ATXN2: variants seen among roughly 807,000 people sequenced by gnomAD.
ATXN2 encodes ataxin 2, also known as ataxin-2.
A neutral mutation model predicts 138.6 loss-of-function variants in ATXN2; 37 were observed. That is an observed-to-expected ratio of 0.27 (90% CI 0.21 to 0.35). The LOEUF (loss-of-function observed/expected upper bound fraction) is 0.35, where lower values mean the gene tolerates loss of function less well. Ranked by LOEUF, ATXN2 falls within the 10% of genes least tolerant of loss-of-function variation. The pLI is 1.00. For synonymous variants in ATXN2, 549 were observed against 543.7 expected (o/e 1.01, Z -0.13); for missense variants, 1,216 against 1,480.3 (o/e 0.82, Z 2.93).
chr12:111,492,606 C>T (rs146806355), intron 14 of ATXN2, among the ~76,000 whole-genome samples: 3 of 151,862 alleles, frequency 2.0e-5, no homozygotes, highest in Non-Finnish European at 4.4e-5. Flanking sequence ...TGCTTGAATC[C>T]GGGAGACGGA....
At chr12:111,477,263 G>C (rs1383840052) in intron 18 of ATXN2, among the ~76,000 whole-genome samples, 1 of 151,516 alleles carries the variant, frequency 6.6e-6, no homozygotes, top group African/African-American at 2.4e-5. Flanking sequence ...GGCTGAGGCA[G>C]AATCGCTTGA....
intron 5 of ATXN2, among the ~76,000 whole-genome samples, chr12:111,540,111 T>C (rs1312762176): frequency 6.7e-6 from 1 of 150,290 alleles, no homozygotes; most frequent in Non-Finnish European, 1.5e-5. Context: ...CTTAATATTC[T>C]TTCCCAGGAG....
chr12:111,556,928 A>G (rs1882421664), intron 1 of ATXN2, among the ~76,000 whole-genome samples: 1 of 152,028 alleles, frequency 6.6e-6, no homozygotes. Flanking sequence ...ATATGCGTCT[A>G]TATGTGTGGA....
chr12:111,581,792 T>C (rs1884020528), intron 1 of ATXN2: 1 of 525,236 alleles, frequency 1.9e-6, no homozygotes, highest in Admixed American at 2.7e-5. Context: ...CAGGAGGCAT[T>C]ATCTAGGCCA....
chr12:111,488,832 C>A (rs1877818504), intron 14 of ATXN2, 52 bp from the exon 15 acceptor site: 1 of 1,428,406 alleles, frequency 7.0e-7, no homozygotes, highest in Non-Finnish European at 9.5e-7. Flanking sequence ...TTTAGTAATA[C>A]ATTTTTGCCA....
chr12:111,568,725 G>A (rs1037902556), intron 1 of ATXN2, among the ~76,000 whole-genome samples: 7 of 152,058 alleles, frequency 4.6e-5, no homozygotes, highest in Non-Finnish European at 7.4e-5. Context: ...ATGTCTACCC[G>A]TTTTAATACT....
intron 5 of ATXN2, among the ~76,000 whole-genome samples, chr12:111,534,982 A>T (rs1271098683): frequency 2.6e-5 from 4 of 151,678 alleles, no homozygotes; most frequent in African/African-American, 9.7e-5. Context: ...CAAAAACTAA[A>T]CTAAAAAAAA....
At position 111,536,948 on chromosome 12, in the gene ATXN2, C is replaced by A. The variant is rs569721996; in HGVS notation, c.572-11632G>T. Among the ~76,000 whole-genome samples, 6 of 151,626 alleles carry A rather than the reference C, an allele frequency of 4.0e-5. No individual in the cohort carries two copies. The South Asian group carries it at 8.3e-4, about 21-fold the overall frequency. ...CAGGTGCACGCCACCACACCCAGCTCATTTTTGTATTTTTAGTAGAGACAG... is the reference window on the plus strand; with the variant it reads ...CAGGTGCACGCCACCACACCCAGCTAATTTTTGTATTTTTAGTAGAGACAG... On this transcript the variant is annotated intron_variant, in intron 5 of 24. Coordinates refer to ENST00000673436, the MANE Select transcript of ATXN2 (RefSeq NM_001372574.1).
chr12:111,461,015 G>A (rs1293995449), intron 21 of ATXN2: 2 of 151,940 alleles, frequency 1.3e-5, no homozygotes, highest in African/African-American at 4.8e-5. Context: ...AAAACAAGAC[G>A]AACAAAAACC....
At chr12:111,563,496 T>C (rs1397260191) in intron 1 of ATXN2, among the ~76,000 whole-genome samples, 1 of 152,162 alleles carries the variant, frequency 6.6e-6, no homozygotes, top group Non-Finnish European at 1.5e-5. Flanking sequence ...TTGTTATTAG[T>C]ACATACAAGT....
intron 5 of ATXN2, among the ~76,000 whole-genome samples, chr12:111,541,876 G>A (rs1232398260): frequency 3.4e-5 from 5 of 146,852 alleles, no homozygotes; most frequent in African/African-American, 1.2e-4. Context: ...TACGGGGTTC[G>A]AGTAATTCTC....
chr12:111,596,640 G>A (rs1884955542), intron 1 of ATXN2, among the ~76,000 whole-genome samples: 2 of 152,066 alleles, frequency 1.3e-5, no homozygotes, highest in Admixed American at 6.6e-5. Flanking sequence ...ATCTGTTCAA[G>A]AATAAAACTT....
chr12:111,599,604 A>C, upstream of ATXN2: 1 of 1,079,482 alleles, frequency 9.3e-7, no homozygotes, highest in Non-Finnish European at 1.1e-6. Flanking sequence ...ACGGAAGCAG[A>C]ACGTGAGGTG....
intron 14 of ATXN2, among the ~76,000 whole-genome samples, chr12:111,501,453 C>T (rs1878755097): frequency 6.6e-6 from 1 of 152,162 alleles, no homozygotes; most frequent in African/African-American, 2.4e-5. Flanking sequence ...GAAACCTACA[C>T]AGCCAAAAAG....
chr12:111,595,586 G>A (rs1431928021), intron 1 of ATXN2, among the ~76,000 whole-genome samples: 2 of 150,118 alleles, frequency 1.3e-5, no homozygotes, highest in African/African-American at 2.5e-5. Context: ...AGGCTGCAGT[G>A]AGCTGAGATC....
intron 10 of ATXN2, among the ~76,000 whole-genome samples, chr12:111,515,727 C>T (rs185725431): frequency 2.0e-5 from 3 of 152,216 alleles, no homozygotes; most frequent in Admixed American, 2.0e-4. Flanking sequence ...CAAAAAAGAC[C>T]CAGAAAACAC....
chr12:111,548,061 T>C (rs1307102160), intron 5 of ATXN2, among the ~76,000 whole-genome samples: 1 of 151,522 alleles, frequency 6.6e-6, no homozygotes, highest in Non-Finnish European at 1.5e-5. Context: ...GGTGTGGTGG[T>C]ACGTGCCTGT....
At chr12:111,576,402 G>GC (rs962882323) in intron 1 of ATXN2, among the ~76,000 whole-genome samples, 34 of 151,982 alleles carry the variant, frequency 2.2e-4, no homozygotes, top group Non-Finnish European at 4.6e-4. Flanking sequence ...GCCACTGCAC[G>GC]CCACTGTACT....
chr12:111,525,607 G>A (rs1880443406), intron 5 of ATXN2, among the ~76,000 whole-genome samples: 1 of 151,726 alleles, frequency 6.6e-6, no homozygotes, highest in Non-Finnish European at 1.5e-5. Context: ...ATGCTTTCAC[G>A]TTTAATTTAG....
Sources: allele counts gnomAD v4.1 joint callset (sites outside exome capture counted in the v4.1 genomes callset), GRCh38; gene constraint gnomAD v4.1.1; transcripts MANE v1.5; gene names NCBI Gene and HGNC (gene_info 2026-07-23, HGNC 2026-07-21).